Variants in KDM4C observed in about 807,000 individuals in gnomAD.
KDM4C encodes the protein lysine demethylase 4C.
KDM4C carries 81 observed loss-of-function variants against 129.3 expected under a neutral mutation model. The ratio of observed to expected loss-of-function variants is 0.63; its 90% CI spans 0.52 to 0.75. The LOEUF (loss-of-function observed/expected upper bound fraction) is 0.75, where lower values mean the gene tolerates loss of function less well. KDM4C is among the 30% of genes least tolerant of loss of function. KDM4C has a pLI of 0.00. For missense variants in KDM4C, 1,457 were observed against 1,304.0 expected (o/e 1.12, Z -1.81); for synonymous variants, 573 against 456.1 (o/e 1.26, Z -3.26).
At chr9:7,128,523 G>A (rs1466933568) in intron 19 of KDM4C, among the ~76,000 whole-genome samples, 1 of 152,096 alleles carries the variant, frequency 6.6e-6, no homozygotes, top group Non-Finnish European at 1.5e-5. Flanking sequence ...CCTGAATTTT[G>A]GATGGGACCT....
intron 4 of KDM4C, 123 bp from the exon 5 acceptor site, chr9:6,849,384 G>A (rs1367027313): frequency 2.8e-6 from 2 of 716,356 alleles, no homozygotes; most frequent in Non-Finnish European, 4.2e-6. Flanking sequence ...TTATTTTTCA[G>A]TTTTCAGTTA....
chr9:6,857,275 A>G (rs1840033183), intron 5 of KDM4C, among the ~76,000 whole-genome samples: 2 of 152,238 alleles, frequency 1.3e-5, no homozygotes, highest in African/African-American at 4.8e-5. Flanking sequence ...TCTACCAAAA[A>G]CAAAACAAAC....
intron 1 of KDM4C, among the ~76,000 whole-genome samples, chr9:6,766,485 AT>A (rs1426132590): frequency 8.0e-5 from 12 of 150,830 alleles, no homozygotes. Flanking sequence ...GGTGTGGGAC[AT>A]TTTAGTGGAG....
chr9:6,882,805 T>TGTGTGC (rs66830716), intron 6 of KDM4C, among the ~76,000 whole-genome samples: 45 of 149,260 alleles, frequency 3.0e-4, no homozygotes, highest in Middle Eastern at 3.4e-3. Flanking sequence ...TGTGTGTGTG[T>TGTGTGC]GCGCGTGTGC....
rs754701375 is a variant in KDM4C, at chr9:6,793,118, G to T, written c.130G>T (p.Ala44Ser). 5.0e-6 allele frequency: 8 copies of T among 1,613,834 alleles called. No individual in the cohort carries two copies. Among genetic ancestry groups the T allele is most frequent in the African/African-American group, 4.0e-5 (3 of 74,892 alleles). Reference sequence around the variant, plus strand: ...CATGGAGTCTAAAGGAGCCCATCGTGCGGGTCTTGCAAAGGTGATTATCCT... The same window carrying T: ...CATGGAGTCTAAAGGAGCCCATCGTTCGGGTCTTGCAAAGGTGATTATCCT... Reference protein sequence around the residue: ...AYMESKGAHRAGLAKVIPPKE... With the variant: ...AYMESKGAHRSGLAKVIPPKE... Residue 44 changes from alanine to serine, a missense_variant, in exon 2 of 22, where the codon GCG becomes TCG. Coordinates refer to ENST00000381309, the MANE Select transcript of KDM4C (RefSeq NM_015061.6).
intron 4 of KDM4C, among the ~76,000 whole-genome samples, chr9:6,833,181 A>G (rs1427882807): frequency 6.6e-6 from 1 of 152,176 alleles, no homozygotes; most frequent in Non-Finnish European, 1.5e-5. Context: ...GGGCCCCTTT[A>G]GGATTTTCTA....
upstream of KDM4C, chr9:6,757,743 C>T: frequency 1.0e-6 from 1 of 985,654 alleles, no homozygotes; most frequent in Non-Finnish European, 1.2e-6. Context: ...AGGTTCTGTG[C>T]ACCTGTTTTC....
At chr9:6,735,157 C>T in intron 1 of KDM4C, 1 of 223,490 alleles carries the variant, frequency 4.5e-6, no homozygotes, top group South Asian at 6.7e-5. Flanking sequence ...CGCCCCCACC[C>T]CCCAGCATCC....
At chr9:6,792,836 C>T (rs1272445512) in intron 1 of KDM4C, 136 bp from the exon 2 acceptor site, 2 of 868,268 alleles carry the variant, frequency 2.3e-6, no homozygotes, top group Non-Finnish European at 3.7e-6. Context: ...AGGGAGTCTC[C>T]CTGAGACTGG....
At chr9:7,163,060 T>C (rs1298730273) in intron 19 of KDM4C, among the ~76,000 whole-genome samples, 1 of 152,072 alleles carries the variant, frequency 6.6e-6, no homozygotes, top group Non-Finnish European at 1.5e-5. Flanking sequence ...TGCAGGAAAG[T>C]GCAGGCTCCT....
intron 8 of KDM4C, among the ~76,000 whole-genome samples, chr9:6,979,380 C>T (rs1053548143): frequency 3.3e-5 from 5 of 152,040 alleles, no homozygotes; most frequent in African/African-American, 1.2e-4. Flanking sequence ...TGCTGGATAG[C>T]CGGCTAGTAT....
intron 8 of KDM4C, among the ~76,000 whole-genome samples, chr9:6,934,486 A>G (rs1039429358): frequency 3.4e-5 from 5 of 148,408 alleles, no homozygotes; most frequent in African/African-American, 1.2e-4. Flanking sequence ...CCAAAAAAAA[A>G]AAAAATTGGA....
At chr9:6,973,732 G>A (rs1832417574) in intron 8 of KDM4C, 1 of 152,050 alleles carries the variant, frequency 6.6e-6, no homozygotes, top group Non-Finnish European at 1.5e-5. Flanking sequence ...TCTCCTTATT[G>A]ATTTGTTAAT....
At chr9:7,125,121 C>T (rs952075769) in intron 18 of KDM4C, among the ~76,000 whole-genome samples, 24 of 152,272 alleles carry the variant, frequency 1.6e-4, no homozygotes, top group Middle Eastern at 6.8e-3. Flanking sequence ...CTCCCCCACC[C>T]CCAGTGCCCT....
intron 15 of KDM4C, among the ~76,000 whole-genome samples, chr9:7,019,953 T>C (rs1824489715): frequency 6.6e-6 from 1 of 151,740 alleles, no homozygotes; most frequent in Admixed American, 6.6e-5. Context: ...TCTTTTTATT[T>C]TCCAATTCTA....
intron 1 of KDM4C, among the ~76,000 whole-genome samples, chr9:6,728,956 A>G (rs572975270): frequency 1.3e-5 from 2 of 152,184 alleles, no homozygotes; most frequent in South Asian, 4.1e-4. Flanking sequence ...CTGTAATCCC[A>G]GTACTTTGGG....
At chr9:6,834,461 T>C (rs1835484626) in intron 4 of KDM4C, 1 of 522,948 alleles carries the variant, frequency 1.9e-6, no homozygotes. Flanking sequence ...TCACCATAGA[T>C]GATGATATTG....
At chr9:6,956,072 TG>T (rs1198077576) in intron 8 of KDM4C, among the ~76,000 whole-genome samples, 1 of 151,964 alleles carries the variant, frequency 6.6e-6, no homozygotes, top group Non-Finnish European at 1.5e-5. Context: ...CTCATGGACA[TG>T]GTAGAAGGAT....
chr9:6,849,937 T>A (rs980947290), intron 5 of KDM4C, among the ~76,000 whole-genome samples: 9 of 152,248 alleles, frequency 5.9e-5, no homozygotes, highest in African/African-American at 2.2e-4. Flanking sequence ...AGATCAATGA[T>A]GGACCACAGA....
Sources: gnomAD v4.1 joint callset for allele counts (sites outside exome capture counted in the v4.1 genomes callset) on GRCh38, gnomAD v4.1.1 for gene constraint, MANE v1.5 for transcripts, NCBI Gene and HGNC (gene_info 2026-07-23, HGNC 2026-07-21) for gene names.